The following MACROD2 variants were observed in gnomAD, a reference collection of about 807,000 sequenced individuals.
The protein encoded by MACROD2 is ADP-ribose glycohydrolase MACROD2.
In MACROD2, 36 loss-of-function variants were observed where a neutral mutation model predicts 70.4. That is an observed-to-expected ratio of 0.51 (90% CI 0.39 to 0.68). The LOEUF (loss-of-function observed/expected upper bound fraction) is 0.68, where lower values mean the gene tolerates loss of function less well. Among genes scored for constraint, MACROD2 ranks in the 30% least tolerant of loss-of-function variants. MACROD2 has a pLI of 0.00. For missense variants in MACROD2, 496 were observed against 538.4 expected (o/e 0.92, Z 0.78); for synonymous variants, 172 against 178.8 (o/e 0.96, Z 0.30).
At chr20:15,600,843 A>G (rs572340798) in intron 8 of MACROD2, among the ~76,000 whole-genome samples, 12 of 152,172 alleles carry the variant, frequency 7.9e-5, no homozygotes, top group Non-Finnish European at 1.3e-4. Flanking sequence ...AAAAATATAT[A>G]TATTATTGCT....
In MACROD2 at chr20:14,579,388, G is replaced by T. The variant is rs567224576; in HGVS notation, c.301+85880G>T. On this transcript the variant is annotated intron_variant, in intron 4 of 17. Transcript: ENST00000684519. ...GATCTCCTGACCTCATGATCCACCC[G>T]CCTCGGCCTCCCAAAGTGCTGGGAT... 5.5e-3 allele frequency among the ~76,000 whole-genome samples: 834 copies of T among 151,810 alleles called. 9 individuals carry two copies. Among genetic ancestry groups the T allele is most frequent in the African/African-American group, 0.019 (780 of 41,386 alleles).
chr20:16,022,700 T>C (rs2067020455), intron 15 of MACROD2, among the ~76,000 whole-genome samples: 1 of 152,340 alleles, frequency 6.6e-6, no homozygotes, highest in Middle Eastern at 3.4e-3. Flanking sequence ...CTGGCAGTTG[T>C]CTAATCAGCC....
At chr20:15,407,975 A>T (rs989396000) in intron 6 of MACROD2, among the ~76,000 whole-genome samples, 1 of 152,178 alleles carries the variant, frequency 6.6e-6, no homozygotes, top group South Asian at 2.1e-4. Flanking sequence ...CTCTCAGCGC[A>T]GTGTCCTCCA....
chr20:14,753,275 A>G (rs535732758), intron 5 of MACROD2, among the ~76,000 whole-genome samples: 1 of 152,140 alleles, frequency 6.6e-6, no homozygotes, highest in African/African-American at 2.4e-5. Context: ...TGATTATTTC[A>G]TGAAAATCTT....
At chr20:16,021,789 A>T (rs1207808371) in intron 15 of MACROD2, among the ~76,000 whole-genome samples, 1 of 152,154 alleles carries the variant, frequency 6.6e-6, no homozygotes, top group African/African-American at 2.4e-5. Context: ...CAGAATTCAC[A>T]TCTCAAATTT....
At chr20:15,986,452 C>T (rs1006328511) in intron 13 of MACROD2, among the ~76,000 whole-genome samples, 1 of 152,164 alleles carries the variant, frequency 6.6e-6, no homozygotes, top group Non-Finnish European at 1.5e-5. Context: ...AGGTTGTGTC[C>T]TCTATCCATA....
At chr20:14,343,481 C>CA (rs2083035763) in intron 3 of MACROD2, among the ~76,000 whole-genome samples, 1 of 152,068 alleles carries the variant, frequency 6.6e-6, no homozygotes, top group Non-Finnish European at 1.5e-5. Context: ...AAGCACATAC[C>CA]AAGACTGAGT....
chr20:14,237,700 C>G (rs1007811770), intron 3 of MACROD2, among the ~76,000 whole-genome samples: 10 of 147,334 alleles, frequency 6.8e-5, no homozygotes, highest in South Asian at 2.2e-4. Context: ...CCCTCCCCCC[C>G]ACCCCAAAAC....
At chr20:15,554,773 G>A (rs754642434) in intron 8 of MACROD2, among the ~76,000 whole-genome samples, 2 of 152,108 alleles carry the variant, frequency 1.3e-5, no homozygotes, top group Non-Finnish European at 2.9e-5. Context: ...CATTTAAGGA[G>A]GGCATGAGTT....
At chr20:14,582,286 G>C (rs189906939) in intron 4 of MACROD2, among the ~76,000 whole-genome samples, 1 of 151,762 alleles carries the variant, frequency 6.6e-6, no homozygotes, top group African/African-American at 2.4e-5. Flanking sequence ...AATACATTCA[G>C]TTTATCATAT....
At chr20:15,276,483 TATTA>T (rs1367211592) in intron 6 of MACROD2, among the ~76,000 whole-genome samples, 2 of 151,336 alleles carry the variant, frequency 1.3e-5, no homozygotes, top group Non-Finnish European at 2.9e-5. Flanking sequence ...TTTTACAAAA[TATTA>T]ATTATGTTTC....
chr20:14,631,556 G>A (rs1440311795), intron 4 of MACROD2, among the ~76,000 whole-genome samples: 2 of 152,114 alleles, frequency 1.3e-5, no homozygotes, highest in Non-Finnish European at 2.9e-5. Context: ...AGATCACAAG[G>A]TCAGGAGATT....
Position 14,679,280 on chromosome 20 carries a change from A to G in MACROD2, c.302-5563A>G, listed in dbSNP as rs149104152. ...GAGAAAACATTTGAAATAGAAATTGAAAAATGGGAAAGACCTCGCTAGGCA... is the reference window on the plus strand; with the variant it reads ...GAGAAAACATTTGAAATAGAAATTGGAAAATGGGAAAGACCTCGCTAGGCA... On this transcript the variant is annotated intron_variant, in intron 4 of 17. Coordinates refer to ENST00000684519, the MANE Select transcript of MACROD2 (RefSeq NM_001351661.2). Among the ~76,000 whole-genome samples the G allele has an allele frequency of 1.6e-3, 248 of 152,300 alleles. 2 individuals are homozygous for G. The highest frequency in any genetic ancestry group is 2.7e-3 in the Non-Finnish European group (184 of 68,018).
intron 6 of MACROD2, among the ~76,000 whole-genome samples, chr20:15,349,394 TAC>T (rs1360456281): frequency 1.3e-5 from 2 of 152,172 alleles, no homozygotes; most frequent in African/African-American, 4.8e-5. Context: ...ACTAATCTTT[TAC>T]AGTTTTTTCT....
intron 5 of MACROD2, among the ~76,000 whole-genome samples, chr20:15,092,439 A>T (rs560891835): frequency 4.7e-5 from 7 of 148,654 alleles, no homozygotes; most frequent in Admixed American, 4.7e-4. Context: ...AAATTTATAT[A>T]TTTATAACAT....
intron 2 of MACROD2, among the ~76,000 whole-genome samples, chr20:14,070,257 T>C (rs1470929636): frequency 6.6e-6 from 1 of 152,146 alleles, no homozygotes; most frequent in Admixed American, 6.5e-5. Context: ...ATATAACATC[T>C]ATAATACCTA....
At chr20:14,046,998 A>T (rs1361442055) in intron 2 of MACROD2, among the ~76,000 whole-genome samples, 1 of 152,178 alleles carries the variant, frequency 6.6e-6, no homozygotes, top group African/African-American at 2.4e-5. Context: ...TCATTGAATT[A>T]CAATGCCTAT....
At chr20:14,182,942 C>T (rs6074701) in intron 3 of MACROD2, among the ~76,000 whole-genome samples, 79,240 of 150,978 alleles carry the variant, frequency 0.52, 22,475 homozygotes, top group Non-Finnish European at 0.62. Context: ...CATACCCCAC[C>T]GAGTTTAATT....
At chr20:14,575,000 A>C (rs914830602) in intron 4 of MACROD2, among the ~76,000 whole-genome samples, 78 of 123,722 alleles carry the variant, frequency 6.3e-4, no homozygotes, top group African/African-American at 2.3e-3. Context: ...CCTGGGCGAC[A>C]GAGCGAGACT....
Sources: allele counts gnomAD v4.1 joint callset (sites outside exome capture counted in the v4.1 genomes callset), GRCh38; gene constraint gnomAD v4.1.1; transcripts MANE v1.5; gene names NCBI Gene and HGNC (gene_info 2026-07-23, HGNC 2026-07-21).